Variants in TC2N observed in about 807,000 individuals in gnomAD.
TC2N encodes the protein tandem C2 domains, nuclear.
Under a neutral mutation model 61.9 loss-of-function variants are expected in TC2N, and 51 were observed. The ratio of observed to expected loss-of-function variants is 0.82; its 90% CI spans 0.66 to 1.04. The LOEUF (loss-of-function observed/expected upper bound fraction) is 1.04, where lower values mean the gene tolerates loss of function less well. Among genes scored for constraint, TC2N ranks in the 50% least tolerant of loss-of-function variants. The pLI is 0.00. For missense variants in TC2N, 556 were observed against 566.7 expected, an observed-to-expected ratio of 0.98 and a Z score of 0.19; for synonymous variants, 204 against 192.6, an observed-to-expected ratio of 1.06 and a Z score of -0.49.
intron 1 of TC2N, among the ~76,000 whole-genome samples, chr14:91,851,793 G>A (rs1274451190): frequency 1.3e-5 from 2 of 152,166 alleles, no homozygotes; most frequent in African/African-American, 4.8e-5. Context: ...TGCCACCAAT[G>A]TTTATCCTGG....
At position 91,800,191 on chromosome 14, in the gene TC2N, C is replaced by T. The variant is rs1271334635; in HGVS notation, c.561+90G>A. ...AACAGATACATCTACAAAAAATATACAGCATATTCCTAATGTAATTCATAC... is the reference window on the plus strand; with the variant it reads ...AACAGATACATCTACAAAAAATATATAGCATATTCCTAATGTAATTCATAC... On this transcript the variant is annotated intron_variant, in intron 5 of 11. Transcript: ENST00000435962. 1.7e-5 allele frequency: 11 copies of T among 642,038 alleles called. No homozygotes were observed. In the East Asian group the frequency reaches 3.4e-4, roughly 20 times the overall value. The allele number at this position is 642,038 out of a possible 1,614,324, so 39.8% of individuals were successfully genotyped here.
At chr14:91,804,709 T>A (rs1886426763) in intron 3 of TC2N, among the ~76,000 whole-genome samples, 1 of 151,844 alleles carries the variant, frequency 6.6e-6, no homozygotes, top group African/African-American at 2.4e-5. Flanking sequence ...ACAGAAAAAA[T>A]TAAACTACAA....
intron 9 of TC2N, among the ~76,000 whole-genome samples, chr14:91,789,217 T>C (rs1885519906): frequency 6.6e-6 from 1 of 152,122 alleles, no homozygotes; most frequent in African/African-American, 2.4e-5. Flanking sequence ...GGCAATAGGC[T>C]TACCATTTCC....
chr14:91,845,758 T>C (rs1188548304), intron 1 of TC2N, among the ~76,000 whole-genome samples: 1 of 152,212 alleles, frequency 6.6e-6, no homozygotes, highest in Non-Finnish European at 1.5e-5. Flanking sequence ...CTGCTTCTTT[T>C]TGCACACCTG....
intron 1 of TC2N, among the ~76,000 whole-genome samples, chr14:91,856,486 CAAA>C (rs3030738): frequency 4.0e-4 from 47 of 116,992 alleles, no homozygotes; most frequent in Admixed American, 6.2e-4. Flanking sequence ...GACCTTGTCT[CAAA>C]AAAAAAAAAA....
At chr14:91,811,707 G>T (rs1886776593) in intron 3 of TC2N, among the ~76,000 whole-genome samples, 1 of 152,034 alleles carries the variant, frequency 6.6e-6, no homozygotes, top group Non-Finnish European at 1.5e-5. Context: ...TTCTAGACAT[G>T]TGACGGATAA....
At chr14:91,858,821 T>C (rs1471283893) in intron 1 of TC2N, among the ~76,000 whole-genome samples, 1 of 152,176 alleles carries the variant, frequency 6.6e-6, no homozygotes, top group African/African-American at 2.4e-5. Flanking sequence ...TAAGCGTGGT[T>C]ATGCAGATCA....
chr14:91,863,999 GA>G (rs934105762), intron 1 of TC2N, among the ~76,000 whole-genome samples: 22 of 151,450 alleles, frequency 1.5e-4, no homozygotes, highest in Admixed American at 2.6e-4. Flanking sequence ...CAAAAAAAAA[GA>G]AAAAAACCCA....
chr14:91,849,288 T>C (rs77773205), intron 1 of TC2N, among the ~76,000 whole-genome samples: 2,815 of 152,084 alleles, frequency 0.019, 85 homozygotes, highest in African/African-American at 0.064. Flanking sequence ...TCAAAATCCT[T>C]CCCTAGAATT....
At chr14:91,788,348 AC>A in intron 9 of TC2N, among the ~76,000 whole-genome samples, 1 of 152,348 alleles carries the variant, frequency 6.6e-6, no homozygotes, top group South Asian at 2.1e-4. Context: ...AAGCCAGACT[AC>A]TTAGGTGGAT....
chr14:91,865,368 GGTT>G (rs987114792), intron 1 of TC2N, among the ~76,000 whole-genome samples: 3 of 123,436 alleles, frequency 2.4e-5, no homozygotes, highest in African/African-American at 1.1e-4. Context: ...GGAGCCTCTT[GGTT>G]TTTTTTTTTT....
At chr14:91,854,973 T>G (rs777585540) in intron 1 of TC2N, among the ~76,000 whole-genome samples, 24 of 152,156 alleles carry the variant, frequency 1.6e-4, no homozygotes, top group Non-Finnish European at 4.4e-5. Flanking sequence ...CAGCTGAGGA[T>G]CTGGAGGGGT....
intron 1 of TC2N, among the ~76,000 whole-genome samples, chr14:91,830,940 C>T (rs1389802129): frequency 6.6e-6 from 1 of 152,102 alleles, no homozygotes; most frequent in Non-Finnish European, 1.5e-5. Context: ...CCTTTGTGGT[C>T]CCAGAATTAG....
intron 1 of TC2N, among the ~76,000 whole-genome samples, chr14:91,814,279 A>G (rs1886909791): frequency 6.6e-6 from 1 of 151,298 alleles, no homozygotes; most frequent in African/African-American, 2.4e-5. Context: ...ATGTGCTGAT[A>G]AAACAGCAAG....
rs1358798610 is a variant in TC2N, at chr14:91,782,835, A to G, written c.*265T>C. 8.6e-6 allele frequency: 3 copies of G among 348,292 alleles called. No homozygotes were observed. Among genetic ancestry groups the G allele is most frequent in the Non-Finnish European group, 1.6e-5 (3 of 192,894 alleles). 21.6% of individuals were successfully genotyped at this position (348,292 alleles called of 1,614,324 possible). ...TGGTTGATATTCTCACAGACTTTAT[A>G]ATTTATTTAGTCATCCTAATAATAC... On this transcript the variant is annotated 3_prime_UTR_variant, in exon 12 of 12. Coordinates refer to ENST00000435962, the MANE Select transcript of TC2N (RefSeq NM_001128596.3).
At position 91,827,172 on chromosome 14, in the gene TC2N, CTAAG is replaced by C. The variant is rs1400311870; in HGVS notation, c.-56-13351_-56-13348del. 5.9e-5 allele frequency among the ~76,000 whole-genome samples: 9 copies of C among 152,248 alleles called. No individual in the cohort carries two copies. The East Asian group carries it at 1.7e-3, about 29-fold the overall frequency. On this transcript the variant is annotated intron_variant, in intron 1 of 11. Transcript: ENST00000435962. Reference sequence around the variant, plus strand: ...TTCCTTTCATCCTTCCTTGGATTGACTAAGTGTTTATGATCTTCATTTTTTTCCC... The same window carrying C: ...TTCCTTTCATCCTTCCTTGGATTGACTGTTTATGATCTTCATTTTTTTCCC...
chr14:91,782,906 CCTTTA>C lies in TC2N; in HGVS notation c.*189_*193del. The C allele has an allele frequency of 2.1e-6, 1 of 481,940 alleles. No homozygotes were observed. Among genetic ancestry groups the C allele is most frequent in the Non-Finnish European group, 3.7e-6 (1 of 273,626 alleles). 29.9% of individuals were successfully genotyped at this position (481,940 alleles called of 1,614,324 possible). A position where few individuals can be genotyped will look rare whatever the true frequency, so the allele number is the denominator to read the frequency against. ...CTCTTGTTGCAGTTTTAAAACATTT[CCTTTA>C]CTTTGGATATCTGATAAAATTCATT... On this transcript the variant is annotated 3_prime_UTR_variant, in exon 12 of 12. Coordinates refer to ENST00000435962, the MANE Select transcript of TC2N (RefSeq NM_001128596.3).
intron 9 of TC2N, among the ~76,000 whole-genome samples, chr14:91,790,050 G>GAGGT (rs1178754918): frequency 6.6e-6 from 1 of 152,148 alleles, no homozygotes; most frequent in Non-Finnish European, 1.5e-5. Context: ...ACTACTGGCT[G>GAGGT]TATAACCTCA....
intron 1 of TC2N, 103 bp downstream of exon 1, chr14:91,867,159 C>A (rs565492929): frequency 5.9e-5 from 9 of 152,136 alleles, no homozygotes; most frequent in Non-Finnish European, 1.2e-4. Context: ...CTTAAAGACT[C>A]GGATCTGGTT....
Sources: gnomAD v4.1 joint callset for allele counts (sites outside exome capture counted in the v4.1 genomes callset) on GRCh38, gnomAD v4.1.1 for gene constraint, MANE v1.5 for transcripts, NCBI Gene and HGNC (gene_info 2026-07-23, HGNC 2026-07-21) for gene names.